Variants in VPS13B observed in about 807,000 individuals in gnomAD.
VPS13B encodes the protein vacuolar protein sorting 13 homolog B, also known as intermembrane lipid transfer protein VPS13B.
In VPS13B, 285 loss-of-function variants were observed where a neutral mutation model predicts 426.4. The observed-to-expected ratio is 0.67, with a 90% confidence interval of 0.61 to 0.74. The LOEUF (loss-of-function observed/expected upper bound fraction) is 0.74. VPS13B is among the 30% of genes least tolerant of loss of function. The pLI, the probability that VPS13B is intolerant of heterozygous loss-of-function variation, is 0.00. For missense variants in VPS13B, 4,537 were observed against 4,782.6 expected (o/e 0.95, Z 1.51); for synonymous variants, 1,676 against 1,676.4 (o/e 1.00, Z 0.01).
chr8:99,473,116 A>G (rs1379974611), intron 24 of VPS13B, among the ~76,000 whole-genome samples: 2 of 152,066 alleles, frequency 1.3e-5, no homozygotes, highest in African/African-American at 2.4e-5. Flanking sequence ...ATGTTTTCCC[A>G]GAAATGAAGC....
In VPS13B at chr8:99,823,900, T is replaced by C. The variant is rs1814519159; in HGVS notation, c.9252T>C (p.Thr3084=). The stretch of plus-strand genomic sequence containing the variant: ...AAATTATTCAGATTGAAGACAAGAC[T>C]ACAATAATCAATAATACACCATATC... ...GIQIIQIEDK[T]TIINNTPYQI... is the part of the protein sequence containing the mutation. Residue 3084 remains threonine, a synonymous_variant, in exon 51 of 62, where the codon ACT becomes ACC. Transcript: ENST00000357162. 1 of 1,613,328 alleles carries C rather than the reference T, an allele frequency of 6.2e-7. No homozygotes were observed. The highest frequency in any genetic ancestry group is 1.3e-5 in the African/African-American group (1 of 74,888).
chr8:99,389,441 C>T (rs1361817284), intron 20 of VPS13B, among the ~76,000 whole-genome samples: 1 of 151,972 alleles, frequency 6.6e-6, no homozygotes, highest in African/African-American at 2.4e-5. Context: ...CCTTTTGAGT[C>T]CCCCTAAACT....
intron 25 of VPS13B, among the ~76,000 whole-genome samples, chr8:99,499,591 T>G (rs1233714871): frequency 6.6e-6 from 1 of 152,178 alleles, no homozygotes; most frequent in Non-Finnish European, 1.5e-5. Flanking sequence ...GTTTATGCTT[T>G]TTATTAGATG....
intron 17 of VPS13B, chr8:99,233,506 G>A (rs1280366166): frequency 1.6e-6 from 2 of 1,268,472 alleles, no homozygotes; most frequent in Non-Finnish European, 2.3e-6. Flanking sequence ...CTCTTGATAA[G>A]AATGCTGATG....
chr8:99,296,078 A>G (rs1820025431), intron 19 of VPS13B, among the ~76,000 whole-genome samples: 1 of 152,166 alleles, frequency 6.6e-6, no homozygotes, highest in Non-Finnish European at 1.5e-5. Flanking sequence ...TATTGACTGC[A>G]TATGGCTTTT....
chr8:99,784,399 G>A lies in VPS13B; in HGVS notation c.7864G>A (p.Val2622Met), dbSNP rs1398356108. 1 of 1,613,600 alleles carries A rather than the reference G, an allele frequency of 6.2e-7. No homozygotes were observed. The highest frequency in any genetic ancestry group is 8.5e-7 in the Non-Finnish European group (1 of 1,179,722). ...DTQETLRFGQ[V>M]DTDENILLAS... is the part of the protein sequence containing the mutation. The stretch of plus-strand genomic sequence containing the variant: ...ACAGGAGACACTGCGGTTTGGCCAG[G>A]TGGATACTGATGAAAATATTCTGCT... Residue 2622 changes from valine to methionine, a missense_variant, in exon 43 of 62, where the codon GTG becomes ATG. This residue lies in a region of VPS13B where 4,311 missense variants were observed against 4,474.3 expected (regional missense o/e 0.96). Transcript: ENST00000357162.
intron 39 of VPS13B, among the ~76,000 whole-genome samples, chr8:99,756,903 GA>G (rs1186922365): frequency 6.6e-6 from 1 of 152,202 alleles, no homozygotes; most frequent in Non-Finnish European, 1.5e-5. Context: ...TTTACAACCA[GA>G]AAGTTTGCCA....
chr8:99,809,473 G>A lies in VPS13B; in HGVS notation c.8040G>A (p.Arg2680=). The change falls in exon 44 of 62, where the codon AGG becomes AGA. Residue 2680 remains arginine, a synonymous_variant. Coordinates refer to ENST00000357162, the MANE Select transcript of VPS13B (RefSeq NM_152564.5). ...AGTFIRTIQY[R]GRTASLIIKV... ...CTTTTATTAGAACAATTCAGTACAGGGGTCGAACTGCTTCTCTCATCATCA... is the reference window on the plus strand; with the variant it reads ...CTTTTATTAGAACAATTCAGTACAGAGGTCGAACTGCTTCTCTCATCATCA... The A allele has an allele frequency of 2.5e-6, 4 of 1,613,920 alleles. No homozygotes were observed. Among genetic ancestry groups the A allele is most frequent in the Non-Finnish European group, 3.4e-6 (4 of 1,179,950 alleles).
At chr8:99,692,837 A>T (rs1831746669) in intron 35 of VPS13B, among the ~76,000 whole-genome samples, 1 of 146,796 alleles carries the variant, frequency 6.8e-6, no homozygotes. Flanking sequence ...AATCAAATAG[A>T]CACAATAAAA....
chr8:99,203,289 A>C (rs1164511461), intron 17 of VPS13B, among the ~76,000 whole-genome samples: 1 of 152,122 alleles, frequency 6.6e-6, no homozygotes, highest in African/African-American at 2.4e-5. Context: ...TAGATGCAGA[A>C]AAGGCCTTCA....
intron 15 of VPS13B, among the ~76,000 whole-genome samples, chr8:99,163,877 A>G (rs985387962): frequency 2.6e-5 from 4 of 152,188 alleles, no homozygotes; most frequent in South Asian, 2.1e-4. Flanking sequence ...GGGCTCCTCA[A>G]ATGCAACCAA....
chr8:99,791,598 G>A (rs184709574), intron 43 of VPS13B, among the ~76,000 whole-genome samples: 15 of 152,068 alleles, frequency 9.9e-5, no homozygotes, highest in African/African-American at 9.6e-5. Flanking sequence ...TCACTGCTGC[G>A]TAGTGCAGGA....
At chr8:99,280,388 G>A (rs1034400624) in intron 19 of VPS13B, among the ~76,000 whole-genome samples, 1 of 151,976 alleles carries the variant, frequency 6.6e-6, no homozygotes, top group African/African-American at 2.4e-5. Context: ...TGTTAAGACG[G>A]TATATATTTA....
At chr8:99,052,010 A>G (rs1373060751) in intron 3 of VPS13B, among the ~76,000 whole-genome samples, 2 of 151,978 alleles carry the variant, frequency 1.3e-5, no homozygotes, top group African/African-American at 2.4e-5. Flanking sequence ...TTCCTAATTG[A>G]ATACCCTTTA....
At chr8:99,819,025 A>C (rs1814212382) in intron 47 of VPS13B, 137 bp downstream of exon 47, 1 of 879,678 alleles carries the variant, frequency 1.1e-6, no homozygotes, top group Non-Finnish European at 1.8e-6. Context: ...ATGATTTCTT[A>C]TCTTATGAGA....
intron 3 of VPS13B, among the ~76,000 whole-genome samples, chr8:99,062,834 A>T (rs188225573): frequency 3.3e-5 from 5 of 152,340 alleles, no homozygotes; most frequent in Non-Finnish European, 5.9e-5. Flanking sequence ...AGTTTAAGGT[A>T]TTCAGATATT....
chr8:99,318,667 G>T (rs1378838932), intron 19 of VPS13B, among the ~76,000 whole-genome samples: 1 of 151,900 alleles, frequency 6.6e-6, no homozygotes. Flanking sequence ...CTACAGGCAC[G>T]CACCACCAAG....
chr8:99,459,222 T>C (rs1038069313), intron 23 of VPS13B, among the ~76,000 whole-genome samples: 1 of 152,230 alleles, frequency 6.6e-6, no homozygotes, highest in Non-Finnish European at 1.5e-5. Flanking sequence ...TCTATTAATA[T>C]ATATGCCAGT....
intron 39 of VPS13B, among the ~76,000 whole-genome samples, chr8:99,755,945 C>T (rs1347780576): frequency 6.6e-6 from 1 of 151,104 alleles, no homozygotes; most frequent in Non-Finnish European, 1.5e-5. Flanking sequence ...ATGAGATGGG[C>T]AAAGAAATAA....
Sources: allele counts gnomAD v4.1 joint callset (sites outside exome capture counted in the v4.1 genomes callset), GRCh38; gene constraint gnomAD v4.1.1; regional missense constraint gnomAD v4.1.1; transcripts MANE v1.5; gene names NCBI Gene and HGNC (gene_info 2026-07-23, HGNC 2026-07-21).